Variants in CNTNAP3 observed in about 807,000 individuals in gnomAD.
CNTNAP3 encodes the protein contactin associated protein family member 3.
A neutral mutation model predicts 92.1 loss-of-function variants in CNTNAP3; 36 were observed. That is an observed-to-expected ratio of 0.39 (90% CI 0.30 to 0.52). The LOEUF (loss-of-function observed/expected upper bound fraction) is 0.52. CNTNAP3 is among the 20% of genes least tolerant of loss of function. The probability of loss-of-function intolerance (pLI) is 0.76; values close to 1 mark genes in which losing one functional copy is unlikely to be tolerated. For missense variants in CNTNAP3, 534 were observed against 1,069.6 expected, an observed-to-expected ratio of 0.50 and a Z score of 6.98; for synonymous variants, 232 against 422.3, an observed-to-expected ratio of 0.55 and a Z score of 5.53.
chr9:39,140,536 A>T lies in CNTNAP3; in HGVS notation c.1859T>A (p.Val620Glu), dbSNP rs1354250106. The T allele has an allele frequency of 8.1e-6, 13 of 1,613,828 alleles. No homozygotes were observed. The highest frequency in any genetic ancestry group is 1.1e-5 in the Non-Finnish European group (13 of 1,179,812). Residue 620 changes from valine to glutamate, a missense_variant, in exon 12 of 24, where the codon GTG becomes GAG. Val to Glu is a moderately radical substitution (Grantham distance 121, BLOSUM62 -2). Coordinates refer to ENST00000297668, the MANE Select transcript of CNTNAP3 (RefSeq NM_033655.5). ...DGSGPLGPFLVYCNMTADAAW... is the reference protein window; with the variant it reads ...DGSGPLGPFLEYCNMTADAAW... ...CAACATACCTGTCATATTGCAGTAC[A>T]CAAGAAATGGTCCCAGGGGGCCACT... is the stretch of plus-strand genomic sequence containing the variant.
At chr9:39,140,415 T>C in intron 12 of CNTNAP3, 104 bp downstream of exon 12, 1 of 1,470,188 alleles carries the variant, frequency 6.8e-7, no homozygotes, top group Non-Finnish European at 9.1e-7. Flanking sequence ...TGCTTCTACT[T>C]AGCAAGTACA....
chr9:39,127,515 ACTT>A (rs1195400792), intron 13 of CNTNAP3, among the ~76,000 whole-genome samples: 1 of 152,134 alleles, frequency 6.6e-6, no homozygotes, highest in Non-Finnish European at 1.5e-5. Flanking sequence ...AGATTGAAAA[ACTT>A]CTATCAAGAC....
At position 39,132,959 on chromosome 9, in the gene CNTNAP3, C is replaced by T. The variant is rs763014631; in HGVS notation, c.2053G>A (p.Gly685Arg). Residue 685 changes from glycine (G) to arginine (R), a missense_variant, in exon 13 of 24, where the codon GGG becomes AGG. Transcript: ENST00000297668. The part of the protein sequence containing the change: ...RCEQRLALRC[G>R]TARRPDSRDG... ...CGTGAGTCCGGGCGCCGCGCCGTCC[C>T]GCAGCGCAGAGCCAGCCGCTGCTCG... 2 of 1,548,260 alleles carry T rather than the reference C, an allele frequency of 1.3e-6. No homozygotes were observed. The highest frequency in any genetic ancestry group is 1.7e-6 in the Non-Finnish European group (2 of 1,157,082).
chr9:39,091,025 G>A (rs1191486887), intron 18 of CNTNAP3, among the ~76,000 whole-genome samples: 1 of 152,098 alleles, frequency 6.6e-6, no homozygotes, highest in Admixed American at 6.5e-5. Flanking sequence ...TTTGTATATT[G>A]TTTTTGTATT....
rs139085329 is a variant in CNTNAP3, at chr9:39,117,817, G to A, written c.2237+286C>T. ...TACGTTAATTAATTAACTAAACTTC[G>A]CAGAGAATGATATTTGATTTCCAGT... On this transcript the variant is annotated intron_variant, in intron 14 of 23. Coordinates refer to ENST00000297668, the MANE Select transcript of CNTNAP3 (RefSeq NM_033655.5). The A allele has an allele frequency of 4.7e-3, 1,906 of 403,458 alleles. 66 individuals carry two copies. In the East Asian group the frequency reaches 0.089, roughly 19 times the overall value. The allele number at this position is 403,458 out of a possible 1,614,324, so 25.0% of individuals were successfully genotyped here.
rs1263613130 is a variant in CNTNAP3, at chr9:39,072,816, T to C, written c.*1074A>G. ...AATTGAAAAGATGTTCTGTACAACA[T>C]AATAGAGTCATAGGAAATCAAAAGC... On this transcript the variant is annotated 3_prime_UTR_variant, in exon 24 of 24. Transcript: ENST00000297668. The C allele has an allele frequency of 6.6e-6, 1 of 152,636 alleles. No homozygotes were observed. Among genetic ancestry groups the C allele is most frequent in the Admixed American group, 6.5e-5 (1 of 15,294 alleles). The allele number at this position is 152,636 out of a possible 1,614,324, so 9.5% of individuals were successfully genotyped here.
At chr9:39,121,600 G>T (rs1254847664) in intron 13 of CNTNAP3, among the ~76,000 whole-genome samples, 1 of 152,158 alleles carries the variant, frequency 6.6e-6, no homozygotes, top group Admixed American at 6.5e-5. Flanking sequence ...GGTGGAGTCT[G>T]GTAAAAGCAC....
chr9:39,140,067 T>C, intron 12 of CNTNAP3: 1 of 156,268 alleles, frequency 6.4e-6, no homozygotes, highest in South Asian at 1.9e-4. Context: ...ATTTCTAATA[T>C]CTAAAGCACG....
chr9:39,104,497 C>CACACACACACAA (rs1194442024), intron 15 of CNTNAP3, among the ~76,000 whole-genome samples: 1 of 150,338 alleles, frequency 6.7e-6, no homozygotes, highest in East Asian at 2.0e-4. Context: ...CACACACACA[C>CACACACACACAA]ACACACACAC....
chr9:39,068,165 T>C lies in CNTNAP3; in HGVS notation c.*5725A>G, dbSNP rs2118328631. Among the ~76,000 whole-genome samples the C allele has an allele frequency of 6.6e-6, 1 of 152,184 alleles. No individual in the cohort carries two copies. Among genetic ancestry groups the C allele is most frequent in the East Asian group, 1.9e-4 (1 of 5,188 alleles). ...CTGTGATACCAGCGCTTTAGGAGGCTGAGGTGGGCAGATCATGAGATCCAG... is the reference window on the plus strand; with the variant it reads ...CTGTGATACCAGCGCTTTAGGAGGCCGAGGTGGGCAGATCATGAGATCCAG... On this transcript the variant is annotated 3_prime_UTR_variant, in exon 24 of 24. Transcript: ENST00000297668.
chr9:39,140,399 A>G, intron 12 of CNTNAP3, 120 bp downstream of exon 12: 1 of 1,425,104 alleles, frequency 7.0e-7, no homozygotes, highest in Non-Finnish European at 9.3e-7. Context: ...ATAAATATAT[A>G]TTTAATGCTT....
At chr9:39,080,956 C>T (rs528999898) in intron 21 of CNTNAP3, among the ~76,000 whole-genome samples, 3 of 141,424 alleles carry the variant, frequency 2.1e-5, no homozygotes, top group South Asian at 2.2e-4. Flanking sequence ...TGAGCCACTG[C>T]GCCCGGCCAG....
At chr9:39,114,307 G>C (rs1233905947) in intron 14 of CNTNAP3, among the ~76,000 whole-genome samples, 1 of 151,720 alleles carries the variant, frequency 6.6e-6, no homozygotes, top group Admixed American at 6.6e-5. Flanking sequence ...GGATGGTCTC[G>C]ATCTTCTGAC....
intron 10 of CNTNAP3, among the ~76,000 whole-genome samples, chr9:39,146,035 T>C (rs2118118483): frequency 6.6e-6 from 1 of 151,910 alleles, no homozygotes; most frequent in East Asian, 1.9e-4. Flanking sequence ...AGAGAATAAC[T>C]TTAGTTCAAA....
chr9:39,133,236 A>G, intron 12 of CNTNAP3, 101 bp from the exon 13 acceptor site: 2 of 1,389,090 alleles, frequency 1.4e-6, no homozygotes, highest in South Asian at 2.5e-5. Context: ...GTTTAATTGA[A>G]ATTTACATTA....
intron 13 of CNTNAP3, among the ~76,000 whole-genome samples, chr9:39,127,479 C>T (rs559944063): frequency 1.8e-4 from 28 of 152,010 alleles, no homozygotes; most frequent in Middle Eastern, 3.5e-3. Flanking sequence ...AATCATGAAT[C>T]GAAAATCTAG....
chr9:39,140,364 G>T (rs1821545833), intron 12 of CNTNAP3, among the ~76,000 whole-genome samples, 155 bp downstream of exon 12: 1 of 152,078 alleles, frequency 6.6e-6, no homozygotes, highest in African/African-American at 2.4e-5. Flanking sequence ...AGAAATACAA[G>T]AAAATTTTGT....
chr9:39,078,534 A>G (rs1193767028), intron 22 of CNTNAP3, 78 bp from the exon 23 acceptor site: 1 of 1,578,710 alleles, frequency 6.3e-7, no homozygotes, highest in Non-Finnish European at 8.6e-7. Context: ...AAACTTGTCA[A>G]TTAAAAGTGA....
rs573169331 is a variant in CNTNAP3 at position 39,069,401 on chromosome 9, T to C, written c.*4489A>G. Among the ~76,000 whole-genome samples the C allele has an allele frequency of 8.3e-4, 126 of 152,262 alleles. No individual in the cohort carries two copies. The South Asian group carries it at 0.012, about 14-fold the overall frequency. ...TATTTTAAGGGCTTTCTTAAATTTT[T>C]AGGTACCATCACAAGCTAGCTAAGT... is the stretch of plus-strand genomic sequence containing the variant. On this transcript the variant is annotated 3_prime_UTR_variant, in exon 24 of 24. Coordinates refer to ENST00000297668, the MANE Select transcript of CNTNAP3 (RefSeq NM_033655.5).
Sources: allele counts gnomAD v4.1 joint callset (sites outside exome capture counted in the v4.1 genomes callset), GRCh38; gene constraint gnomAD v4.1.1; transcripts MANE v1.5; gene names NCBI Gene and HGNC (gene_info 2026-07-23, HGNC 2026-07-21).